GABRA3: variants seen among roughly 807,000 people sequenced by gnomAD.
GABRA3 encodes gamma-aminobutyric acid receptor subunit alpha-3.
In GABRA3, 10 loss-of-function variants were observed where a neutral mutation model predicts 30.1. That is an observed-to-expected ratio of 0.33 (90% CI 0.20 to 0.56). GABRA3 has a LOEUF of 0.56. Among genes scored for constraint, GABRA3 ranks in the 20% least tolerant of loss-of-function variants. The pLI, the probability that GABRA3 is intolerant of heterozygous loss-of-function variation, is 0.89. For missense variants in GABRA3, 233 were observed against 392.0 expected (o/e 0.59, Z 3.42); for synonymous variants, 151 against 146.8 (o/e 1.03, Z -0.21).
intron 3 of GABRA3, among the ~76,000 whole-genome samples, chrX:152,321,961 T>C (rs1228598703): frequency 9.0e-6 from 1 of 111,624 alleles, no homozygotes; most frequent in Non-Finnish European, 1.9e-5. Flanking sequence ...AATCATAGAA[T>C]TGCTACATGA....
chrX:152,291,262 A>G (rs1429551550), intron 3 of GABRA3, among the ~76,000 whole-genome samples: 1 of 111,321 alleles, frequency 9.0e-6, no homozygotes, highest in African/African-American at 3.3e-5. Flanking sequence ...TAGGTATTTT[A>G]TTCTCTTTGA....
chrX:152,180,572 T>C (rs1054852991), intron 9 of GABRA3, among the ~76,000 whole-genome samples: 2 of 112,374 alleles, frequency 1.8e-5, no homozygotes, highest in African/African-American at 3.2e-5. Context: ...TGTCTATTTG[T>C]ACTCTTGTTG....
chrX:152,349,334 C>T (rs1940439323), intron 2 of GABRA3, among the ~76,000 whole-genome samples: 1 of 110,653 alleles, frequency 9.0e-6, no homozygotes, highest in Non-Finnish European at 1.9e-5. Flanking sequence ...ACAACCGGTA[C>T]CAGCCGCTGC....
intron 3 of GABRA3, among the ~76,000 whole-genome samples, chrX:152,287,793 C>A (rs1340212541): frequency 9.1e-6 from 1 of 109,691 alleles, no homozygotes; most frequent in Non-Finnish European, 1.9e-5. Context: ...TTTCTTCCAT[C>A]CTTCTTTCCT....
chrX:152,172,426 T>C (rs928191548), intron 9 of GABRA3, among the ~76,000 whole-genome samples: 27 of 111,994 alleles, frequency 2.4e-4, no homozygotes, highest in South Asian at 7.5e-4. Context: ...ACTATATGAT[T>C]CAGCAGTTCC....
At chrX:152,209,207 A>G (rs2124367227) in intron 6 of GABRA3, among the ~76,000 whole-genome samples, 1 of 112,379 alleles carries the variant, frequency 8.9e-6, no homozygotes, top group African/African-American at 3.2e-5. Context: ...CAAGGCTTGT[A>G]TTTAGAATTC....
intron 1 of GABRA3, among the ~76,000 whole-genome samples, chrX:152,444,983 C>T (rs1236087806): frequency 2.4e-5 from 2 of 82,563 alleles, no homozygotes; most frequent in South Asian, 1.4e-3. Context: ...ATGGCGTGAA[C>T]CCGGGAGGCG....
chrX:152,437,923 G>A (rs1360357614), intron 1 of GABRA3, among the ~76,000 whole-genome samples: 1 of 111,832 alleles, frequency 8.9e-6, no homozygotes, highest in Admixed American at 9.5e-5. Context: ...AGACAAAATA[G>A]GGGAAAAGAA....
At chrX:152,315,055 C>T (rs2124462346) in intron 3 of GABRA3, among the ~76,000 whole-genome samples, 1 of 111,365 alleles carries the variant, frequency 9.0e-6, no homozygotes, top group South Asian at 3.8e-4. Flanking sequence ...GAGACTCGCA[C>T]CATGAACTTC....
intron 1 of GABRA3, among the ~76,000 whole-genome samples, chrX:152,431,401 G>A (rs1930648466): frequency 8.9e-6 from 1 of 112,314 alleles, no homozygotes; most frequent in South Asian, 3.6e-4. Context: ...AAGAGAGTTT[G>A]AGCTTGAAGT....
At chrX:152,378,573 T>C (rs774310157) in intron 1 of GABRA3, among the ~76,000 whole-genome samples, 11 of 109,904 alleles carry the variant, frequency 1.0e-4, no homozygotes, top group African/African-American at 3.6e-4. Context: ...AATAAATAAA[T>C]GAAAAAAACA....
intron 1 of GABRA3, among the ~76,000 whole-genome samples, chrX:152,374,129 T>C (rs1305096596): frequency 9.1e-6 from 1 of 110,491 alleles, no homozygotes; most frequent in Non-Finnish European, 1.9e-5. Context: ...GTTCATGTCC[T>C]TTGCCCACTT....
intron 5 of GABRA3, among the ~76,000 whole-genome samples, chrX:152,240,782 C>T (rs1474366669): frequency 2.0e-5 from 2 of 99,603 alleles, no homozygotes; most frequent in Non-Finnish European, 3.9e-5. Context: ...TCCAGTTGAT[C>T]GCATCGGCTC....
intron 1 of GABRA3, among the ~76,000 whole-genome samples, chrX:152,385,244 C>T (rs964208373): frequency 9.0e-6 from 1 of 111,561 alleles, no homozygotes; most frequent in African/African-American, 3.3e-5. Flanking sequence ...ACATGATGTA[C>T]TATTTCTACT....
At chrX:152,265,554 T>A in intron 4 of GABRA3, among the ~76,000 whole-genome samples, 1 of 109,979 alleles carries the variant, frequency 9.1e-6, no homozygotes, top group Non-Finnish European at 1.9e-5. Context: ...GAAGAAAAAC[T>A]TCAAATAAAC....
intron 9 of GABRA3, among the ~76,000 whole-genome samples, chrX:152,180,072 A>G (rs1399466309): frequency 2.7e-5 from 3 of 111,912 alleles, no homozygotes; most frequent in Non-Finnish European, 5.6e-5. Flanking sequence ...CTTTGGATAT[A>G]TACCCAGTAG....
rs955547341 is a variant in GABRA3, at chrX:152,313,424, A to G, written c.263-28689T>C. ...CCCTTTATATTGGTGCTTAAGTTGC[A>G]CCATTTGCCTCTCAAATCTGTTATC... On this transcript the variant is annotated intron_variant, in intron 3 of 9. Coordinates refer to ENST00000370314, the MANE Select transcript of GABRA3 (RefSeq NM_000808.4). Among the ~76,000 whole-genome samples, 58 of 111,548 alleles carry G rather than the reference A, an allele frequency of 5.2e-4. 1 individual carries two copies. Among genetic ancestry groups the G allele is most frequent in the African/African-American group, 1.9e-3 (57 of 30,676 alleles).
intron 5 of GABRA3, among the ~76,000 whole-genome samples, chrX:152,243,650 G>C (rs934703355): frequency 2.0e-4 from 22 of 111,429 alleles, no homozygotes; most frequent in African/African-American, 7.2e-4. Flanking sequence ...CAAAAGGAGT[G>C]ATGTATCTAG....
chrX:152,294,991 G>T (rs773705780), intron 3 of GABRA3, among the ~76,000 whole-genome samples: 3 of 111,517 alleles, frequency 2.7e-5, no homozygotes, highest in African/African-American at 9.8e-5. Context: ...GTTTGCCTGG[G>T]TATCACCAGT....
Sources: allele counts gnomAD v4.1 joint callset (sites outside exome capture counted in the v4.1 genomes callset), GRCh38; gene constraint gnomAD v4.1.1; transcripts MANE v1.5; gene names NCBI Gene and HGNC (gene_info 2026-07-23, HGNC 2026-07-21).